ANO10: variants seen among roughly 807,000 people sequenced by gnomAD.
The protein encoded by ANO10 is anoctamin-10.
A neutral mutation model predicts 74.7 loss-of-function variants in ANO10; 77 were observed. The ratio of observed to expected loss-of-function variants is 1.03; its 90% CI spans 0.86 to 1.25. The LOEUF is 1.25. Among genes scored for constraint, ANO10 ranks in the 50% most tolerant of loss-of-function variants. ANO10 has a pLI of 0.00. For missense variants in ANO10, 721 were observed against 778.1 expected, an observed-to-expected ratio of 0.93 and a Z score of 0.87; for synonymous variants, 279 against 284.9, an observed-to-expected ratio of 0.98 and a Z score of 0.21.
At chr3:43,566,181 T>A (rs969917004) in intron 7 of ANO10, among the ~76,000 whole-genome samples, 1 of 151,344 alleles carries the variant, frequency 6.6e-6, no homozygotes, top group Non-Finnish European at 1.5e-5. Context: ...GCTCGGAGGG[T>A]CCTACGCCCA....
intron 11 of ANO10, among the ~76,000 whole-genome samples, chr3:43,442,839 G>A (rs1325484724): frequency 6.6e-6 from 1 of 152,210 alleles, no homozygotes; most frequent in African/African-American, 2.4e-5. Context: ...GGCGGCAGGA[G>A]GATTTGGTCC....
chr3:43,450,484 C>A (rs9881028), intron 11 of ANO10, among the ~76,000 whole-genome samples: 1 of 151,910 alleles, frequency 6.6e-6, no homozygotes, highest in Admixed American at 6.6e-5. Context: ...GAGGTTGCAG[C>A]GAGCTGAGAT....
At chr3:43,684,169 G>A (rs2084242009) in intron 1 of ANO10, among the ~76,000 whole-genome samples, 1 of 152,076 alleles carries the variant, frequency 6.6e-6, no homozygotes, top group Admixed American at 6.6e-5. Flanking sequence ...GAAAATTTTT[G>A]CAATCTACTC....
chr3:43,466,590 C>T (rs1389188441), intron 11 of ANO10, among the ~76,000 whole-genome samples: 2 of 152,006 alleles, frequency 1.3e-5, no homozygotes, highest in African/African-American at 2.4e-5. Flanking sequence ...ACCTTAACCT[C>T]TCTCTCATAC....
chr3:43,551,613 T>C, intron 10 of ANO10: 1 of 455,358 alleles, frequency 2.2e-6, no homozygotes, highest in Non-Finnish European at 4.4e-6. Context: ...TATAGATTTG[T>C]TTGCATATTC....
At chr3:43,410,165 CAA>C (rs2092642468) in intron 12 of ANO10, among the ~76,000 whole-genome samples, 1 of 151,938 alleles carries the variant, frequency 6.6e-6, no homozygotes. Flanking sequence ...AAAGGTAAAA[CAA>C]GAGAACAAGG....
upstream of ANO10, among the ~76,000 whole-genome samples, chr3:43,623,408 T>C: frequency 6.6e-6 from 1 of 152,210 alleles, no homozygotes; most frequent in East Asian, 1.9e-4. Flanking sequence ...ACATAGAGTT[T>C]TATACTATCC....
chr3:43,581,926 GAAAAAAAAAAAGA>G (rs1260866512), intron 4 of ANO10, among the ~76,000 whole-genome samples: 3 of 117,328 alleles, frequency 2.6e-5, no homozygotes, highest in African/African-American at 6.4e-5. Flanking sequence ...ACCTCATCTC[GAAAAAAAAAAAGA>G]AAAAAAAAAA....
At chr3:43,503,623 A>C (rs1181538099) in intron 11 of ANO10, among the ~76,000 whole-genome samples, 2 of 152,220 alleles carry the variant, frequency 1.3e-5, no homozygotes, top group East Asian at 3.8e-4. Context: ...TTGTCCTATC[A>C]CCATAACATA....
chr3:43,557,732 C>CT (rs1434161085), intron 9 of ANO10, among the ~76,000 whole-genome samples: 2 of 109,174 alleles, frequency 1.8e-5, no homozygotes, highest in Non-Finnish European at 3.5e-5. Context: ...GAGACTCTGT[C>CT]TCAAAAAAAA....
At chr3:43,382,074 T>C (rs2091975205) in intron 12 of ANO10, among the ~76,000 whole-genome samples, 1 of 152,224 alleles carries the variant, frequency 6.6e-6, no homozygotes, top group Non-Finnish European at 1.5e-5. Context: ...GCAGTGCGGA[T>C]ACAGCAAAGG....
intron 4 of ANO10, among the ~76,000 whole-genome samples, chr3:43,584,378 T>C (rs943869089): frequency 3.9e-5 from 6 of 152,228 alleles, no homozygotes; most frequent in African/African-American, 1.2e-4. Context: ...GTGGCTTTAA[T>C]AGATGGACAG....
intron 1 of ANO10, among the ~76,000 whole-genome samples, chr3:43,651,922 ACTC>A (rs1169971590): frequency 6.6e-6 from 1 of 152,032 alleles, no homozygotes; most frequent in African/African-American, 2.4e-5. Context: ...TTCTGGTTCT[ACTC>A]CTCTAGGGTT....
At chr3:43,389,402 T>C (rs2092216057) in intron 12 of ANO10, among the ~76,000 whole-genome samples, 1 of 152,204 alleles carries the variant, frequency 6.6e-6, no homozygotes, top group African/African-American at 2.4e-5. Context: ...GGACATGAAA[T>C]AAATGTTTTA....
intron 1 of ANO10, among the ~76,000 whole-genome samples, chr3:43,645,324 A>G (rs2083715811): frequency 6.6e-6 from 1 of 152,098 alleles, no homozygotes; most frequent in African/African-American, 2.4e-5. Flanking sequence ...CCCCACCTCT[A>G]CTAAAAATAC....
intron 11 of ANO10, among the ~76,000 whole-genome samples, chr3:43,460,590 A>T (rs2075334693): frequency 6.6e-6 from 1 of 152,172 alleles, no homozygotes; most frequent in Admixed American, 6.5e-5. Flanking sequence ...CCTCACCCAT[A>T]TCATGAAGGC....
chr3:43,525,757 G>A (rs1461080484), intron 11 of ANO10, among the ~76,000 whole-genome samples: 2 of 152,136 alleles, frequency 1.3e-5, no homozygotes, highest in South Asian at 2.1e-4. Context: ...TTCAAAGAGC[G>A]GTGGCCCAGT....
chr3:43,563,575 T>C (rs1240955610), intron 8 of ANO10, among the ~76,000 whole-genome samples: 1 of 152,088 alleles, frequency 6.6e-6, no homozygotes, highest in African/African-American at 2.4e-5. Flanking sequence ...GCACTATTTG[T>C]AACAATAAAG....
intron 12 of ANO10, among the ~76,000 whole-genome samples, chr3:43,415,598 G>A (rs1260307108): frequency 2.6e-5 from 4 of 151,390 alleles, no homozygotes; most frequent in African/African-American, 9.7e-5. Flanking sequence ...AGTGCAGTGA[G>A]AGGCATGATC....
Sources: allele counts gnomAD v4.1 joint callset (sites outside exome capture counted in the v4.1 genomes callset), GRCh38; gene constraint gnomAD v4.1.1; transcripts MANE v1.5; gene names NCBI Gene and HGNC (gene_info 2026-07-23, HGNC 2026-07-21).